Variants in TNS1 observed in about 807,000 individuals in gnomAD.
TNS1 encodes tensin 1.
TNS1 carries 62 observed loss-of-function variants against 168.6 expected under a neutral mutation model. That is an observed-to-expected ratio of 0.37 (90% CI 0.30 to 0.45). The LOEUF is 0.45. TNS1 is among the 20% of genes least tolerant of loss of function. TNS1 has a pLI of 1.00. For synonymous variants in TNS1, 934 were observed against 933.2 expected (o/e 1.00, Z -0.02); for missense variants, 2,240 against 2,339.4 (o/e 0.96, Z 0.88).
intron 18 of TNS1, among the ~76,000 whole-genome samples, chr2:217,864,255 T>C (rs140380347): frequency 7.9e-5 from 12 of 152,156 alleles, no homozygotes; most frequent in Non-Finnish European, 7.4e-5. Context: ...CCTCACTGAA[T>C]GGGGAGAGGG....
At chr2:217,837,891 C>G (rs1400685266) in intron 19 of TNS1, among the ~76,000 whole-genome samples, 1 of 152,216 alleles carries the variant, frequency 6.6e-6, no homozygotes, top group African/African-American at 2.4e-5. Flanking sequence ...TTGCTGCAAC[C>G]CTGCAGCAAC....
chr2:217,885,955 A>T, intron 14 of TNS1, 89 bp downstream of exon 14: 1 of 1,567,840 alleles, frequency 6.4e-7, no homozygotes, highest in Non-Finnish European at 8.8e-7. Context: ...CCCTCTTGAG[A>T]ATATTCTCTC....
intron 18 of TNS1, chr2:217,858,702 C>CACACACACACACACA (rs1211667832): frequency 1.3e-5 from 1 of 75,708 alleles, no homozygotes; most frequent in African/African-American, 1.8e-4. Flanking sequence ...ACACACACAC[C>CACACACACACACACA]CCACTCCCTC....
chr2:217,864,388 A>G (rs1431067843), intron 18 of TNS1, among the ~76,000 whole-genome samples: 1 of 152,202 alleles, frequency 6.6e-6, no homozygotes, highest in Non-Finnish European at 1.5e-5. Context: ...CTGCCTTTCA[A>G]AGTGGATATT....
At position 217,836,197 on chromosome 2, in the gene TNS1, C is replaced by T. The variant is rs768109006; in HGVS notation, c.3022G>A (p.Glu1008Lys). The T allele has an allele frequency of 6.2e-7, 1 of 1,611,192 alleles. No homozygotes were observed. The highest frequency in any genetic ancestry group is 8.5e-7 in the Non-Finnish European group (1 of 1,178,496). Reference protein sequence around the residue: ...AHRVAGVQAREKQPAEPPAPL... With the variant: ...AHRVAGVQARKKQPAEPPAPL... Reference sequence around the variant, plus strand: ...GCTGGGGGCTCTGCAGGCTGCTTCTCCCGAGCCTGTACCCCTGGGAGGAAA... The same window carrying T: ...GCTGGGGGCTCTGCAGGCTGCTTCTTCCGAGCCTGTACCCCTGGGAGGAAA... The change falls in exon 20 of 33, where the codon GAG becomes AAG. Residue 1008 changes from glutamate (E) to lysine (K), a missense_variant. By Grantham distance (56) the Glu-to-Lys change is moderately conservative. Around this residue, in one of 2 missense-constraint regions of TNS1, gnomAD observed 2,131 missense variants for 2,171.2 expected, o/e 0.98. Coordinates refer to ENST00000682258, the MANE Select transcript of TNS1 (RefSeq NM_001387777.1).
chr2:217,952,106 CTGAG>C (rs1045585816), intron 3 of TNS1, among the ~76,000 whole-genome samples: 49 of 152,222 alleles, frequency 3.2e-4, no homozygotes, highest in African/African-American at 1.1e-3. Flanking sequence ...ACAAATCGTG[CTGAG>C]TGACCTGAAG....
chr2:217,887,680 C>G (rs956522409), intron 12 of TNS1, among the ~76,000 whole-genome samples: 1 of 152,142 alleles, frequency 6.6e-6, no homozygotes, highest in African/African-American at 2.4e-5. Flanking sequence ...TCCTTCTAGA[C>G]AGAGAGGATA....
intron 32 of TNS1, 48 bp from the exon 33 acceptor site, chr2:217,804,651 C>A: frequency 6.2e-7 from 1 of 1,608,254 alleles, no homozygotes; most frequent in African/African-American, 1.3e-5. Context: ...CAAGTGGAAC[C>A]CCAGGAGGTG....
chr2:217,844,105 T>C (rs558596597), intron 19 of TNS1, among the ~76,000 whole-genome samples: 1 of 152,318 alleles, frequency 6.6e-6, no homozygotes, highest in Admixed American at 6.5e-5. Flanking sequence ...AGAATCATTT[T>C]TGATGATCCT....
intron 22 of TNS1, among the ~76,000 whole-genome samples, chr2:217,826,919 G>A (rs1053605175): frequency 6.6e-6 from 1 of 152,134 alleles, no homozygotes. Context: ...CTCTTTGCTT[G>A]GAGAGAAGGG....
chr2:217,875,500 T>C (rs1288507031), intron 18 of TNS1, among the ~76,000 whole-genome samples: 3 of 152,186 alleles, frequency 2.0e-5, no homozygotes, highest in Admixed American at 6.5e-5. Flanking sequence ...AAAGGACCTA[T>C]GGAAAAAGAG....
rs1336157335 is a variant in TNS1 at position 217,800,961 on chromosome 2, A to T, written c.*3498T>A. 1.3e-5 allele frequency: 2 copies of T among 152,070 alleles called. No individual in the cohort carries two copies. Among genetic ancestry groups the T allele is most frequent in the African/African-American group, 4.8e-5 (2 of 41,412 alleles). The allele number at this position is 152,070 out of a possible 1,614,324, so 9.4% of individuals were successfully genotyped here. On this transcript the variant is annotated 3_prime_UTR_variant, in exon 33 of 33. Coordinates refer to ENST00000682258, the MANE Select transcript of TNS1 (RefSeq NM_001387777.1). ...CCTGAGAGCCGTTTATAGGGGGATCACACTTGTCCAGGAGGGCTGCCCCTC... is the reference window on the plus strand; with the variant it reads ...CCTGAGAGCCGTTTATAGGGGGATCTCACTTGTCCAGGAGGGCTGCCCCTC...
upstream of TNS1, among the ~76,000 whole-genome samples, chr2:218,005,064 CAGG>C (rs550907287): frequency 3.9e-4 from 60 of 152,324 alleles, no homozygotes; most frequent in East Asian, 0.011. Context: ...CCAGCTCTGC[CAGG>C]CTGCCCTTGT....
chr2:217,984,770 C>T (rs1252945999), intron 2 of TNS1, among the ~76,000 whole-genome samples: 2 of 149,708 alleles, frequency 1.3e-5, no homozygotes, highest in Non-Finnish European at 3.0e-5. Flanking sequence ...TTTTTTTTCC[C>T]CCCAAGACAG....
chr2:218,024,223 C>A (rs909092200), intron 1 of TNS1, among the ~76,000 whole-genome samples: 3 of 152,080 alleles, frequency 2.0e-5, no homozygotes, highest in Non-Finnish European at 4.4e-5. Flanking sequence ...GAGTTGAAGC[C>A]TTGGGGACAT....
intron 2 of TNS1, chr2:217,987,055 T>C (rs895511012): frequency 6.6e-6 from 1 of 152,200 alleles, no homozygotes; most frequent in South Asian, 2.1e-4. Context: ...CTGTTAATCA[T>C]AGATGAGGAA....
At chr2:217,905,618 G>A (rs556256433) in intron 6 of TNS1, among the ~76,000 whole-genome samples, 12 of 152,342 alleles carry the variant, frequency 7.9e-5, no homozygotes, top group African/African-American at 2.9e-4. Flanking sequence ...CAGGGCGGGT[G>A]AAGACGGAGG....
At chr2:217,904,969 C>A (rs560210955) in intron 6 of TNS1, among the ~76,000 whole-genome samples, 5 of 152,300 alleles carry the variant, frequency 3.3e-5, no homozygotes, top group Admixed American at 2.6e-4. Context: ...GATGGAGTGG[C>A]ATTCACCAAA....
intron 1 of TNS1, among the ~76,000 whole-genome samples, chr2:218,028,613 G>T (rs1958868583): frequency 6.6e-6 from 1 of 152,206 alleles, no homozygotes; most frequent in Non-Finnish European, 1.5e-5. Flanking sequence ...AGCAGCAGAA[G>T]CACCCAGCAC....
Sources: allele counts gnomAD v4.1 joint callset (sites outside exome capture counted in the v4.1 genomes callset), GRCh38; gene constraint gnomAD v4.1.1; regional missense constraint gnomAD v4.1.1; transcripts MANE v1.5; gene names NCBI Gene and HGNC (gene_info 2026-07-23, HGNC 2026-07-21).